EBAG9: variants seen among roughly 807,000 people sequenced by gnomAD.
The protein encoded by EBAG9 is receptor-binding cancer antigen expressed on SiSo cells.
EBAG9 carries 16 observed loss-of-function variants against 30.9 expected under a neutral mutation model. That is an observed-to-expected ratio of 0.52 (90% CI 0.35 to 0.79). The LOEUF (loss-of-function observed/expected upper bound fraction) is 0.79, where lower values mean the gene tolerates loss of function less well. EBAG9 is among the 30% of genes least tolerant of loss of function. The pLI is 0.01. For missense variants in EBAG9, 197 were observed against 242.1 expected (o/e 0.81, Z 1.24); for synonymous variants, 93 against 82.8 (o/e 1.12, Z -0.67).
chr8:109,550,070 A>G (rs1374635816), intron 1 of EBAG9, among the ~76,000 whole-genome samples: 1 of 152,098 alleles, frequency 6.6e-6, no homozygotes, highest in Admixed American at 6.5e-5. Flanking sequence ...GATTATTGAT[A>G]TGGTTAGATT....
chr8:109,554,942 T>TA, intron 4 of EBAG9, 55 bp downstream of exon 4: 2 of 1,518,452 alleles, frequency 1.3e-6, no homozygotes, highest in Admixed American at 1.9e-5. Flanking sequence ...TTCCTATAGT[T>TA]AAAATTAGGT....
At chr8:109,555,827 A>G (rs76338431) in intron 4 of EBAG9, among the ~76,000 whole-genome samples, 2,205 of 152,272 alleles carry the variant, frequency 0.014, 59 homozygotes, top group African/African-American at 0.051. Flanking sequence ...TAGTACATGT[A>G]CTTTTTTTAA....
chr8:109,541,277 G>A (rs186166465), intron 1 of EBAG9, among the ~76,000 whole-genome samples: 1 of 152,086 alleles, frequency 6.6e-6, no homozygotes, highest in Non-Finnish European at 1.5e-5. Flanking sequence ...GTAAAGTAGC[G>A]TAAGATACTT....
At chr8:109,559,449 C>G (rs1167848439) in intron 5 of EBAG9, among the ~76,000 whole-genome samples, 2 of 152,114 alleles carry the variant, frequency 1.3e-5, no homozygotes, top group Non-Finnish European at 2.9e-5. Context: ...CAGAGTGAGA[C>G]CTTGTCTCAA....
chr8:109,546,654 C>G (rs2131103242), intron 1 of EBAG9, among the ~76,000 whole-genome samples: 1 of 152,228 alleles, frequency 6.6e-6, no homozygotes, highest in Admixed American at 6.5e-5. Context: ...GGCTTATCAG[C>G]TCTGGTTAGT....
chr8:109,548,825 A>C (rs1821435047), intron 1 of EBAG9, among the ~76,000 whole-genome samples: 1 of 148,568 alleles, frequency 6.7e-6, no homozygotes, highest in African/African-American at 2.5e-5. Context: ...AGAATATCAC[A>C]CTTTTATTTC....
In EBAG9 at chr8:109,559,594, T is replaced by C. The variant is rs548907280; in HGVS notation, c.430-1244T>C. 1.0e-3 allele frequency among the ~76,000 whole-genome samples: 158 copies of C among 152,244 alleles called. 1 individual carries two copies. Among genetic ancestry groups the C allele is most frequent in the African/African-American group, 3.7e-3 (153 of 41,546 alleles). On this transcript the variant is annotated intron_variant, in intron 5 of 6. Transcript: ENST00000337573. ...TGGGAAATTGAGGCAGGAGGATCAC[T>C]TGAGTTCAGGAGTTCAAGACCAACC... is the stretch of plus-strand genomic sequence containing the variant.
chr8:109,546,067 T>G (rs1293457914), intron 1 of EBAG9, among the ~76,000 whole-genome samples: 1 of 152,242 alleles, frequency 6.6e-6, no homozygotes, highest in Admixed American at 6.5e-5. Flanking sequence ...CAGATTTCTG[T>G]TTTTAGAGAA....
At chr8:109,551,199 A>T (rs1048878627) in intron 2 of EBAG9, among the ~76,000 whole-genome samples, 1 of 152,040 alleles carries the variant, frequency 6.6e-6, no homozygotes, top group Non-Finnish European at 1.5e-5. Flanking sequence ...ATCATCACAG[A>T]ACTTTGATGT....
chr8:109,553,574 C>T lies in EBAG9; in HGVS notation c.84-291C>T, dbSNP rs1260106775. Among the ~76,000 whole-genome samples the T allele has an allele frequency of 2.6e-5, 4 of 152,150 alleles. No homozygotes were observed. In the South Asian group the frequency reaches 6.2e-4, roughly 24 times the overall value. ...CACTCCAAGGAGCATGCTCTGAAACCGTCTTGCATTTTTATTTTTGACTTT... is the reference window on the plus strand; with the variant it reads ...CACTCCAAGGAGCATGCTCTGAAACTGTCTTGCATTTTTATTTTTGACTTT... On this transcript the variant is annotated intron_variant, in intron 2 of 6. Transcript: ENST00000337573.
chr8:109,562,999 CT>C (rs1257051692), intron 6 of EBAG9, among the ~76,000 whole-genome samples: 1 of 151,948 alleles, frequency 6.6e-6, no homozygotes, highest in Non-Finnish European at 1.5e-5. Context: ...CTAGCCAGCC[CT>C]TTATAATTTT....
chr8:109,555,501 A>T (rs554020374), intron 4 of EBAG9, among the ~76,000 whole-genome samples: 23 of 152,294 alleles, frequency 1.5e-4, no homozygotes, highest in Admixed American at 1.3e-3. Context: ...AATTATATTT[A>T]TATATGTATC....
At chr8:109,550,035 A>G (rs1449485276) in intron 1 of EBAG9, among the ~76,000 whole-genome samples, 3 of 152,076 alleles carry the variant, frequency 2.0e-5, no homozygotes, top group South Asian at 2.1e-4. Flanking sequence ...TTCAATTGGA[A>G]TGCTATACAA....
intron 2 of EBAG9, among the ~76,000 whole-genome samples, chr8:109,553,507 AAC>A (rs1456850908): frequency 6.6e-6 from 1 of 152,222 alleles, no homozygotes; most frequent in African/African-American, 2.4e-5. Context: ...CCCTGTTTAA[AAC>A]AGCAAAGGTG....
At position 109,556,822 on chromosome 8, in the gene EBAG9, A is replaced by G. The variant is rs1181323005; in HGVS notation, c.322-113A>G. On this transcript the variant is annotated intron_variant, in intron 4 of 6. Coordinates refer to ENST00000337573, the MANE Select transcript of EBAG9 (RefSeq NM_004215.5). ...TACAGACTTTTTTTTTAGTTTTTACATTATAAATTTTAAGAAGAAATATTT... is the reference window on the plus strand; with the variant it reads ...TACAGACTTTTTTTTTAGTTTTTACGTTATAAATTTTAAGAAGAAATATTT... The G allele has an allele frequency of 5.1e-5, 25 of 493,868 alleles. No individual in the cohort carries two copies. In the South Asian group the frequency reaches 1.5e-3, roughly 29 times the overall value. 30.6% of individuals were successfully genotyped at this position (493,868 alleles called of 1,614,324 possible). A position where few individuals can be genotyped will look rare whatever the true frequency, so the allele number is the denominator to read the frequency against.
intron 1 of EBAG9, among the ~76,000 whole-genome samples, chr8:109,544,407 G>T (rs918359838): frequency 3.9e-5 from 6 of 152,248 alleles, no homozygotes; most frequent in Non-Finnish European, 7.4e-5. Flanking sequence ...GTTTCTAAAG[G>T]TGTTACTAAT....
At chr8:109,547,350 T>C (rs1821405130) in intron 1 of EBAG9, among the ~76,000 whole-genome samples, 1 of 152,214 alleles carries the variant, frequency 6.6e-6, no homozygotes, top group African/African-American at 2.4e-5. Flanking sequence ...CAGTACTTGC[T>C]ATGGTCATTA....
At chr8:109,564,417 G>A (rs753376781) in intron 6 of EBAG9, 22 bp from the exon 7 acceptor site, 3 of 1,606,974 alleles carry the variant, frequency 1.9e-6, no homozygotes, top group Admixed American at 1.7e-5. Flanking sequence ...TTTTCTAAAA[G>A]TAAAAGTATG....
At chr8:109,552,234 T>C (rs16879775) in intron 2 of EBAG9, among the ~76,000 whole-genome samples, 22,679 of 149,722 alleles carry the variant, frequency 0.15, 4,332 homozygotes, top group African/African-American at 0.45. Context: ...ATTGAACTTA[T>C]TGCTAAAAGT....
Sources: gnomAD v4.1 joint callset for allele counts (sites outside exome capture counted in the v4.1 genomes callset) on GRCh38, gnomAD v4.1.1 for gene constraint, MANE v1.5 for transcripts, NCBI Gene and HGNC (gene_info 2026-07-23, HGNC 2026-07-21) for gene names.